Variants in ZRANB3 observed in about 807,000 individuals in gnomAD.
ZRANB3 encodes the protein zinc finger RANBP2-type containing 3.
ZRANB3 carries 125 observed loss-of-function variants against 133.8 expected under a neutral mutation model. The observed-to-expected ratio is 0.93, with a 90% confidence interval of 0.81 to 1.08. ZRANB3 has a LOEUF of 1.08. ZRANB3 is among the 50% of genes least tolerant of loss of function. The probability of loss-of-function intolerance (pLI) is 0.00; values close to 1 mark genes in which losing one functional copy is unlikely to be tolerated. For synonymous variants in ZRANB3, 387 were observed against 432.7 expected, an observed-to-expected ratio of 0.89 and a Z score of 1.31; for missense variants, 1,229 against 1,275.5, an observed-to-expected ratio of 0.96 and a Z score of 0.56.
At chr2:135,522,332 C>T (rs1693981908) in intron 1 of ZRANB3, among the ~76,000 whole-genome samples, 1 of 152,174 alleles carries the variant, frequency 6.6e-6, no homozygotes, top group South Asian at 2.1e-4. Context: ...AGGCCAACAG[C>T]TTGAGGCTAC....
At chr2:135,493,194 A>G in intron 2 of ZRANB3, among the ~76,000 whole-genome samples, 2 of 132,990 alleles carry the variant, frequency 1.5e-5, no homozygotes, top group African/African-American at 5.4e-5. Context: ...GGAAAACTAT[A>G]AAGCTTCCCG....
chr2:135,324,967 C>G (rs1195958634), intron 6 of ZRANB3, among the ~76,000 whole-genome samples: 2 of 151,856 alleles, frequency 1.3e-5, no homozygotes, highest in Non-Finnish European at 2.9e-5. Context: ...AATACTTATA[C>G]CCTGAAAGCT....
intron 11 of ZRANB3, 30 bp from the exon 12 acceptor site, chr2:135,265,716 G>C: frequency 6.3e-7 from 1 of 1,598,626 alleles, no homozygotes; most frequent in Non-Finnish European, 8.5e-7. Context: ...ATGAATTTTT[G>C]AGCAGTTCAC....
chr2:135,267,583 AT>A (rs1300237462), intron 11 of ZRANB3, among the ~76,000 whole-genome samples: 1 of 152,174 alleles, frequency 6.6e-6, no homozygotes, highest in Non-Finnish European at 1.5e-5. Flanking sequence ...AACCATAGCA[AT>A]AATTATCCAA....
Position 135,394,953 on chromosome 2 carries a change from CAAAAAAAA to C in ZRANB3, c.162-4141_162-4134del, listed in dbSNP as rs113220872. Among the ~76,000 whole-genome samples the C allele has an allele frequency of 9.5e-3, 413 of 43,398 alleles. 1 individual carries two copies. The highest frequency in any genetic ancestry group is 0.024 in the African/African-American group (382 of 16,026). 28.5% of individuals were successfully genotyped at this position (43,398 alleles called of 152,430 possible). ...ACAACATAGCAAGACCTTGTCTCTA[CAAAAAAAA>C]AAAAAAAAAAAAAAGTACACTCTTC... On this transcript the variant is annotated intron_variant, in intron 2 of 20. Transcript: ENST00000264159.
rs80193413 is a variant in ZRANB3 at position 135,368,193 on chromosome 2, T to C, written c.181-14565A>G. Among the ~76,000 whole-genome samples the C allele has an allele frequency of 7.5e-3, 1,138 of 152,078 alleles. 33 individuals carry two copies. The highest frequency in any genetic ancestry group is 0.06 in the Admixed American group (918 of 15,264). On this transcript the variant is annotated intron_variant, in intron 3 of 20. Coordinates refer to ENST00000264159, the MANE Select transcript of ZRANB3 (RefSeq NM_032143.4). ...AATGACTTTAATTTTGTAGAATCAGTTGATAAGAGAAAATGCAATACATAA... is the reference window on the plus strand; with the variant it reads ...AATGACTTTAATTTTGTAGAATCAGCTGATAAGAGAAAATGCAATACATAA...
intron 2 of ZRANB3, among the ~76,000 whole-genome samples, chr2:135,411,705 T>A (rs556677586): frequency 5.7e-4 from 87 of 152,242 alleles, no homozygotes; most frequent in Non-Finnish European, 8.8e-4. Flanking sequence ...TTCTCACTTA[T>A]AAGTGGGAGC....
At chr2:135,495,291 C>T (rs1200453029) in intron 2 of ZRANB3, among the ~76,000 whole-genome samples, 1 of 151,838 alleles carries the variant, frequency 6.6e-6, no homozygotes, top group Non-Finnish European at 1.5e-5. Flanking sequence ...GGTAACTGTG[C>T]TGTGTCTATA....
chr2:135,302,486 T>A (rs1341850574), intron 8 of ZRANB3, among the ~76,000 whole-genome samples: 1 of 152,020 alleles, frequency 6.6e-6, no homozygotes, highest in East Asian at 1.9e-4. Flanking sequence ...AGATGCCAGA[T>A]TCCTATTTAT....
intron 14 of ZRANB3, among the ~76,000 whole-genome samples, chr2:135,225,862 G>A (rs1694741426): frequency 6.6e-6 from 1 of 152,208 alleles, no homozygotes; most frequent in Non-Finnish European, 1.5e-5. Flanking sequence ...TCATGGTACT[G>A]AAGGAAGCAA....
intron 3 of ZRANB3, among the ~76,000 whole-genome samples, chr2:135,379,790 G>T (rs1449707317): frequency 6.6e-6 from 1 of 152,076 alleles, no homozygotes; most frequent in East Asian, 1.9e-4. Flanking sequence ...ATAATGACAG[G>T]ATCAAATGCA....
chr2:135,444,980 T>A (rs1308249307), intron 2 of ZRANB3, among the ~76,000 whole-genome samples: 1 of 152,186 alleles, frequency 6.6e-6, no homozygotes. Context: ...AGTGTAATTT[T>A]GGTGTTATGG....
intron 2 of ZRANB3, among the ~76,000 whole-genome samples, chr2:135,402,777 G>C (rs920664893): frequency 2.6e-5 from 4 of 152,076 alleles, no homozygotes; most frequent in Non-Finnish European, 5.9e-5. Flanking sequence ...GTAGAGACGA[G>C]GTTGCACCAT....
rs145659573 is a variant in ZRANB3, at chr2:135,440,980, C to A, written c.162-50160G>T. Among the ~76,000 whole-genome samples the A allele has an allele frequency of 1.4e-3, 209 of 152,088 alleles. 1 individual carries two copies. The highest frequency in any genetic ancestry group is 0.011 in the South Asian group (55 of 4,804). On this transcript the variant is annotated intron_variant, in intron 2 of 20. Coordinates refer to ENST00000264159, the MANE Select transcript of ZRANB3 (RefSeq NM_032143.4). ...AAATGAATGAAGCCTCAGACAGAGA[C>A]CTTTGGGACAATGCAAAGCATCCCA... is the stretch of plus-strand genomic sequence containing the variant.
chr2:135,253,491 C>G (rs1192994894), intron 12 of ZRANB3, among the ~76,000 whole-genome samples: 1 of 152,132 alleles, frequency 6.6e-6, no homozygotes, highest in East Asian at 1.9e-4. Context: ...AGAAATGTAT[C>G]TTTAGGTGAT....
intron 2 of ZRANB3, among the ~76,000 whole-genome samples, chr2:135,439,334 C>T (rs1247411733): frequency 6.7e-6 from 1 of 148,264 alleles, no homozygotes; most frequent in Non-Finnish European, 1.5e-5. Context: ...CTAATTAACT[C>T]AATCTATATA....
intron 8 of ZRANB3, among the ~76,000 whole-genome samples, chr2:135,300,312 T>A (rs1682366091): frequency 6.6e-6 from 1 of 152,200 alleles, no homozygotes; most frequent in Non-Finnish European, 1.5e-5. Flanking sequence ...CACCCATCTA[T>A]TTACTTGAAA....
intron 2 of ZRANB3, among the ~76,000 whole-genome samples, chr2:135,455,589 C>CTTTTTTTTTTTT (rs929421233): frequency 1.6e-5 from 2 of 126,474 alleles, no homozygotes. Context: ...TGATTTTTTT[C>CTTTTTTTTTTTT]TTTTTTTTTT....
intron 12 of ZRANB3, among the ~76,000 whole-genome samples, chr2:135,264,718 C>T (rs1190703552): frequency 6.6e-6 from 1 of 150,642 alleles, no homozygotes; most frequent in African/African-American, 2.4e-5. Context: ...CAGGTGTCCT[C>T]TGATGCTCAT....
Sources: allele counts gnomAD v4.1 joint callset (sites outside exome capture counted in the v4.1 genomes callset), GRCh38; gene constraint gnomAD v4.1.1; transcripts MANE v1.5; gene names NCBI Gene and HGNC (gene_info 2026-07-23, HGNC 2026-07-21).